The following HMGN5 variants were observed in gnomAD, a reference collection of about 807,000 sequenced individuals.
HMGN5 encodes high mobility group nucleosome binding domain 5.
HMGN5 carries 4 observed loss-of-function variants against 9.5 expected under a neutral mutation model. The observed-to-expected ratio is 0.42, with a 90% CI of 0.21 to 0.96. The LOEUF is 0.96. Ranked by LOEUF, HMGN5 falls within the 40% of genes least tolerant of loss-of-function variation. The pLI is 0.30. For synonymous variants in HMGN5, 55 were observed against 57.1 expected, an observed-to-expected ratio of 0.96 and a Z score of 0.16; for missense variants, 192 against 187.5, an observed-to-expected ratio of 1.02 and a Z score of -0.14.
At chrX:81,150,711 C>A (rs1304921798) in intron 1 of HMGN5, among the ~76,000 whole-genome samples, 1 of 110,834 alleles carries the variant, frequency 9.0e-6, no homozygotes, top group African/African-American at 3.3e-5. Flanking sequence ...AAAAGTTAAA[C>A]CAAATTGACG....
At chrX:81,170,627 G>T (rs1479451611) in intron 1 of HMGN5, among the ~76,000 whole-genome samples, 3 of 111,146 alleles carry the variant, frequency 2.7e-5, no homozygotes, top group African/African-American at 9.8e-5. Flanking sequence ...TGTCAATGAG[G>T]TATTATCAAC....
At chrX:81,124,784 TTTAA>T (rs1373079145) in intron 1 of HMGN5, among the ~76,000 whole-genome samples, 1 of 111,655 alleles carries the variant, frequency 9.0e-6, no homozygotes, top group Non-Finnish European at 1.9e-5. Context: ...TGTTTCTCTT[TTTAA>T]TTTATTAATG....
chrX:81,181,934 T>C (rs1009295433), intron 1 of HMGN5, among the ~76,000 whole-genome samples: 3 of 112,184 alleles, frequency 2.7e-5, no homozygotes, highest in Non-Finnish European at 5.6e-5. Context: ...TTCGATATAC[T>C]GATTTCCTTT....
At chrX:81,188,898 G>T (rs186189931) in intron 1 of HMGN5, among the ~76,000 whole-genome samples, 44 of 111,348 alleles carry the variant, frequency 4.0e-4, no homozygotes, top group African/African-American at 1.3e-3. Context: ...TAAGGTAAGA[G>T]TAGTTTACAC....
chrX:81,201,195 C>T, intron 1 of HMGN5, among the ~76,000 whole-genome samples: 1 of 108,871 alleles, frequency 9.2e-6, no homozygotes, highest in South Asian at 4.0e-4. Flanking sequence ...CTCCTCTCCA[C>T]TCTCATTCAT....
chrX:81,119,620 C>T (rs2075263513), intron 3 of HMGN5, among the ~76,000 whole-genome samples, 168 bp downstream of exon 3: 1 of 112,042 alleles, frequency 8.9e-6, no homozygotes, highest in African/African-American at 3.2e-5. Flanking sequence ...TTTAAAAAGT[C>T]CTCTCTTCTG....
chrX:81,187,321 T>C (rs112057623), intron 1 of HMGN5, among the ~76,000 whole-genome samples: 146 of 111,844 alleles, frequency 1.3e-3, no homozygotes, highest in African/African-American at 4.5e-3. Flanking sequence ...TATTATTGTA[T>C]TGGGGCATCT....
rs1267572839 is a variant in HMGN5, at chrX:81,114,832, C to G, written c.666G>C (p.Glu222Asp). 8.6e-7 allele frequency: 1 copy of G among 1,159,527 alleles called. No individual in the cohort carries two copies. The highest frequency in any genetic ancestry group is 1.8e-5 in the African/African-American group (1 of 55,593). ...EDGKEKGDKKEGKDVKVKEDE... is the reference protein window; with the variant it reads ...EDGKEKGDKKDGKDVKVKEDE... ...CTTCTTTGACTTTTACATCTTTCCC[C>G]TCTTTTTTATCTCCCTTCTCTTTTC... The change falls in exon 7 of 7, where the codon GAG (glutamate) becomes GAC (aspartate). Residue 222 changes from glutamate (E) to aspartate (D), a missense_variant. Physicochemically the swap from Glu to Asp is conservative, Grantham distance 45. Transcript: ENST00000358130.
At chrX:81,129,900 T>C (rs1017950210) in intron 1 of HMGN5, among the ~76,000 whole-genome samples, 3 of 111,433 alleles carry the variant, frequency 2.7e-5, no homozygotes, top group Admixed American at 1.9e-4. Flanking sequence ...GCCTGTAATT[T>C]TTCCAACAAA....
chrX:81,188,624 C>T lies in HMGN5; in HGVS notation c.-124+13113G>A, dbSNP rs1001492841. The stretch of plus-strand genomic sequence containing the variant: ...TATATCTCCTAACGCTATCCCTCCC[C>T]CCTCTCCCCACCCCACGACAGGCCC... On this transcript the variant is annotated intron_variant, in intron 1 of 6. Transcript: ENST00000358130. Among the ~76,000 whole-genome samples, 2 of 109,640 alleles carry T rather than the reference C, an allele frequency of 1.8e-5. 1 individual carries two copies. Among genetic ancestry groups the T allele is most frequent in the Non-Finnish European group, 3.8e-5 (2 of 52,704 alleles).
chrX:81,144,678 A>T (rs1375926547), intron 1 of HMGN5, among the ~76,000 whole-genome samples: 1 of 111,690 alleles, frequency 9.0e-6, no homozygotes, highest in African/African-American at 3.3e-5. Flanking sequence ...AGGCTTCAGA[A>T]GGTGGGTAAT....
At chrX:81,181,538 T>C (rs1016515795) in intron 1 of HMGN5, among the ~76,000 whole-genome samples, 3 of 111,413 alleles carry the variant, frequency 2.7e-5, no homozygotes, top group African/African-American at 9.8e-5. Flanking sequence ...AAATACTAGG[T>C]CTTATTCATT....
intron 1 of HMGN5, among the ~76,000 whole-genome samples, chrX:81,134,701 G>A (rs1356579921): frequency 1.8e-5 from 2 of 111,237 alleles, no homozygotes; most frequent in Non-Finnish European, 3.8e-5. Context: ...TAAAGTTGAA[G>A]GACTCAGAAT....
chrX:81,161,302 T>C (rs190171992), intron 1 of HMGN5, among the ~76,000 whole-genome samples: 2 of 111,126 alleles, frequency 1.8e-5, no homozygotes, highest in East Asian at 2.8e-4. Context: ...CTGGCCCAAC[T>C]AATGGCTAGC....
At chrX:81,166,053 G>T (rs1229031013) in intron 1 of HMGN5, among the ~76,000 whole-genome samples, 1 of 110,716 alleles carries the variant, frequency 9.0e-6, no homozygotes, top group Non-Finnish European at 1.9e-5. Flanking sequence ...GCATTGTATA[G>T]TGTTTAGCAG....
At chrX:81,137,954 T>C (rs2075316121) in intron 1 of HMGN5, among the ~76,000 whole-genome samples, 1 of 111,529 alleles carries the variant, frequency 9.0e-6, no homozygotes, top group African/African-American at 3.3e-5. Context: ...TTATAAGAAA[T>C]GGACCAGTTT....
intron 1 of HMGN5, among the ~76,000 whole-genome samples, chrX:81,181,143 C>G (rs923461540): frequency 9.0e-6 from 1 of 110,673 alleles, no homozygotes; most frequent in African/African-American, 3.3e-5. Context: ...ACATGTATAC[C>G]TATGTATCAA....
chrX:81,183,966 T>C (rs1958606421), intron 1 of HMGN5, among the ~76,000 whole-genome samples: 1 of 111,922 alleles, frequency 8.9e-6, no homozygotes, highest in Admixed American at 9.5e-5. Flanking sequence ...AAATGAGACT[T>C]TGAAATTTGG....
At chrX:81,154,100 T>C (rs1233206525) in intron 1 of HMGN5, among the ~76,000 whole-genome samples, 1 of 110,797 alleles carries the variant, frequency 9.0e-6, no homozygotes, top group Non-Finnish European at 1.9e-5. Flanking sequence ...GGAATCCTAT[T>C]ACCTCACTTT....
Sources: gnomAD v4.1 joint callset for allele counts (sites outside exome capture counted in the v4.1 genomes callset) on GRCh38, gnomAD v4.1.1 for gene constraint, MANE v1.5 for transcripts, NCBI Gene and HGNC (gene_info 2026-07-23, HGNC 2026-07-21) for gene names.